The following DDX52 variants were observed in gnomAD, a reference collection of about 807,000 sequenced individuals.
DDX52 encodes probable ATP-dependent RNA helicase DDX52.
DDX52 carries 59 observed loss-of-function variants against 76.1 expected under a neutral mutation model. That is an observed-to-expected ratio of 0.78 (90% CI 0.63 to 0.96). DDX52 has a LOEUF of 0.96. Ranked by LOEUF, DDX52 falls within the 40% of genes least tolerant of loss-of-function variation. DDX52 has a pLI of 0.00. For missense variants in DDX52, 707 were observed against 703.9 expected, an observed-to-expected ratio of 1.00 and a Z score of -0.05; for synonymous variants, 231 against 244.1, an observed-to-expected ratio of 0.95 and a Z score of 0.50.
At position 37,612,492 on chromosome 17, in the gene DDX52, C is replaced by T. The variant is rs1047339558; in HGVS notation, c.*1804G>A. The T allele has an allele frequency of 6.6e-6, 1 of 152,086 alleles. No individual in the cohort carries two copies. The highest frequency in any genetic ancestry group is 1.5e-5 in the Non-Finnish European group (1 of 68,008). 9.4% of individuals were successfully genotyped at this position (152,086 alleles called of 1,614,324 possible). ...AGTAACATGCTATACGGGTTTGTAG[C>T]CTAGGAGCAACAGACTATACCATAT... On this transcript the variant is annotated 3_prime_UTR_variant, in exon 15 of 15. Coordinates refer to ENST00000617633, the MANE Select transcript of DDX52 (RefSeq NM_007010.5).
chr17:37,612,821 A>G lies in DDX52; in HGVS notation c.*1475T>C, dbSNP rs2064383178. 1 of 152,192 alleles carries G rather than the reference A, an allele frequency of 6.6e-6. No individual in the cohort carries two copies. Among genetic ancestry groups the G allele is most frequent in the Non-Finnish European group, 1.5e-5 (1 of 68,034 alleles). 9.4% of individuals were successfully genotyped at this position (152,192 alleles called of 1,614,324 possible). On this transcript the variant is annotated 3_prime_UTR_variant, in exon 15 of 15. Transcript: ENST00000617633. Reference sequence around the variant, plus strand: ...ATAATTTTATAGATGAGAACACTGAAACTCTGAGAAATTAAGAACTTACTC... The same window carrying G: ...ATAATTTTATAGATGAGAACACTGAGACTCTGAGAAATTAAGAACTTACTC...
intron 14 of DDX52, among the ~76,000 whole-genome samples, chr17:37,617,325 A>T (rs1203569910): frequency 6.6e-6 from 1 of 152,240 alleles, no homozygotes; most frequent in Non-Finnish European, 1.5e-5. Context: ...AAAAACAATA[A>T]ATTATAGACT....
At chr17:37,633,518 T>A (rs771209684) in intron 2 of DDX52, 100 bp from the exon 3 acceptor site, 1 of 983,172 alleles carries the variant, frequency 1.0e-6, no homozygotes, top group Admixed American at 4.0e-5. Flanking sequence ...CAAGGGTGGG[T>A]GGTGGTGCAA....
chr17:37,614,911 T>C (rs181301399), intron 14 of DDX52: 6 of 152,460 alleles, frequency 3.9e-5, no homozygotes, highest in African/African-American at 1.4e-4. Context: ...CAAACTATTA[T>C]TATAGTAATA....
rs762764555 is a variant in DDX52 at position 37,621,529 on chromosome 17, A to C, written c.1228-9T>G. 22 of 1,599,336 alleles carry C rather than the reference A, an allele frequency of 1.4e-5. No individual in the cohort carries two copies. Among genetic ancestry groups the C allele is most frequent in the East Asian group, 8.9e-5 (4 of 44,740 alleles). On this transcript the variant is annotated splice_polypyrimidine_tract_variant and intron_variant, in intron 9 of 14. Coordinates refer to ENST00000617633, the MANE Select transcript of DDX52 (RefSeq NM_007010.5). ...ACAGGTGGATTGAAACCCTAAAAGA[A>C]GACAAAAATTGGCATACATAACTCA... is the stretch of plus-strand genomic sequence containing the variant.
At chr17:37,643,025 C>T (rs190795246) in intron 1 of DDX52, 18 of 279,584 alleles carry the variant, frequency 6.4e-5, no homozygotes, top group African/African-American at 3.7e-4. Context: ...AATTCCTTTC[C>T]TCTAGGTTCG....
chr17:37,628,370 T>C (rs772763500), intron 6 of DDX52, among the ~76,000 whole-genome samples, 191 bp downstream of exon 6: 2 of 152,206 alleles, frequency 1.3e-5, no homozygotes, highest in Non-Finnish European at 2.9e-5. Context: ...TTGTCTCTAT[T>C]TGAGAACTAC....
intron 2 of DDX52, among the ~76,000 whole-genome samples, chr17:37,641,629 C>G (rs1284642154): frequency 1.4e-5 from 2 of 148,006 alleles, no homozygotes; most frequent in Non-Finnish European, 3.0e-5. Flanking sequence ...CCCAGCTACT[C>G]AGGAGGCTGA....
At position 37,611,757 on chromosome 17, in the gene DDX52, CT is replaced by C. The variant is rs2064368549; in HGVS notation, c.*2538del. On this transcript the variant is annotated 3_prime_UTR_variant, in exon 15 of 15. Coordinates refer to ENST00000617633, the MANE Select transcript of DDX52 (RefSeq NM_007010.5). ...TCCAAAAAAAAAAAAAAAAAAAAAT[CT>C]AAAAAACCCAACTGGACAACAAGCA... 2 of 124,748 alleles carry C rather than the reference CT, an allele frequency of 1.6e-5. No individual in the cohort carries two copies. The highest frequency in any genetic ancestry group is 6.2e-5 in the African/African-American group (2 of 32,318). 7.7% of individuals were successfully genotyped at this position (124,748 alleles called of 1,614,324 possible). A position where few individuals can be genotyped will look rare whatever the true frequency, so the allele number is the denominator to read the frequency against.
rs9890486 is a variant in DDX52 at position 37,616,791 on chromosome 17, A to G, written c.1742+1501T>C. The stretch of plus-strand genomic sequence containing the variant: ...TCAGTTTGTAGCACTTATCCTTCCC[A>G]AGTTATTAAAAGTATGATAAAATTT... On this transcript the variant is annotated intron_variant, in intron 14 of 14. Transcript: ENST00000617633. Among the ~76,000 whole-genome samples, 1,362 of 152,274 alleles carry G rather than the reference A, an allele frequency of 8.9e-3. 22 individuals are homozygous for G. The highest frequency in any genetic ancestry group is 0.031 in the African/African-American group (1,293 of 41,550).
intron 9 of DDX52, among the ~76,000 whole-genome samples, chr17:37,622,542 C>T (rs1344285132): frequency 6.6e-6 from 1 of 152,164 alleles, no homozygotes; most frequent in African/African-American, 2.4e-5. Flanking sequence ...GATCCGCCCG[C>T]TTCGGCCTCC....
In DDX52 at chr17:37,621,368, CT is replaced by C. The variant is rs762018404; in HGVS notation, c.1350+29del. On this transcript the variant is annotated intron_variant, in intron 10 of 14. Transcript: ENST00000617633. ...AATAGTTTAAAATCAAGTAGTTCTTCTGAGTTTCAAAGTATATATTTGACTT... is the reference window on the plus strand; with the variant it reads ...AATAGTTTAAAATCAAGTAGTTCTTCGAGTTTCAAAGTATATATTTGACTT... The C allele has an allele frequency of 5.6e-6, 9 of 1,600,118 alleles. No homozygotes were observed. The East Asian group carries it at 1.8e-4, about 32-fold the overall frequency.
intron 8 of DDX52, among the ~76,000 whole-genome samples, chr17:37,625,344 AC>A (rs1248124937): frequency 2.6e-5 from 4 of 152,130 alleles, no homozygotes; most frequent in African/African-American, 9.7e-5. Flanking sequence ...GGTATTCTTT[AC>A]TGTTCCATTG....
intron 3 of DDX52, among the ~76,000 whole-genome samples, chr17:37,632,881 G>A (rs1164208330): frequency 6.6e-6 from 1 of 152,124 alleles, no homozygotes; most frequent in African/African-American, 2.4e-5. Flanking sequence ...TTATTCCCAA[G>A]TCATAAAATA....
chr17:37,629,270 CACACACAT>C (rs1464798998), intron 5 of DDX52, among the ~76,000 whole-genome samples: 5,282 of 132,210 alleles, frequency 0.04, 335 homozygotes, highest in African/African-American at 0.16. Context: ...CACACACACA[CACACACAT>C]AGTACTATTA....
At chr17:37,639,300 AAAGAG>A (rs772766388) in intron 2 of DDX52, among the ~76,000 whole-genome samples, 3 of 152,228 alleles carry the variant, frequency 2.0e-5, no homozygotes, top group Non-Finnish European at 2.9e-5. Context: ...AAATTTACAA[AAAGAG>A]AAAAGTCTCA....
rs1387037009 is a variant in DDX52, at chr17:37,611,790, C to T, written c.*2506G>A. The T allele has an allele frequency of 6.0e-5, 9 of 149,714 alleles. No individual in the cohort carries two copies. Among genetic ancestry groups the T allele is most frequent in the South Asian group, 2.1e-4 (1 of 4,740 alleles). The allele number at this position is 149,714 out of a possible 1,614,324, so 9.3% of individuals were successfully genotyped here. On this transcript the variant is annotated 3_prime_UTR_variant, in exon 15 of 15. Coordinates refer to ENST00000617633, the MANE Select transcript of DDX52 (RefSeq NM_007010.5). ...CCCAACTGGACAACAAGCAAGACCT[C>T]GTCTCTACAAAATTTAAAAATTAGC...
intron 2 of DDX52, among the ~76,000 whole-genome samples, chr17:37,634,137 C>T (rs1232071035): frequency 6.6e-5 from 10 of 151,150 alleles, no homozygotes; most frequent in East Asian, 6.0e-4. Context: ...TTAGTAGAGA[C>T]GAGGTTTCAC....
At chr17:37,618,265 C>G in intron 14 of DDX52, 27 bp downstream of exon 14, 3 of 1,554,722 alleles carry the variant, frequency 1.9e-6, no homozygotes, top group Non-Finnish European at 2.6e-6. Context: ...TGGTGTCAAA[C>G]AGCCATTTTT....
Sources: allele counts gnomAD v4.1 joint callset (sites outside exome capture counted in the v4.1 genomes callset), GRCh38; gene constraint gnomAD v4.1.1; transcripts MANE v1.5; gene names NCBI Gene and HGNC (gene_info 2026-07-23, HGNC 2026-07-21).